Variants in NPSR1 observed in about 807,000 individuals in gnomAD.
NPSR1 encodes neuropeptide S receptor 1.
A neutral mutation model predicts 46.9 loss-of-function variants in NPSR1; 48 were observed. The observed-to-expected ratio is 1.02, with a 90% CI of 0.81 to 1.30. The LOEUF (loss-of-function observed/expected upper bound fraction) is 1.30, where lower values mean the gene tolerates loss of function less well. NPSR1 is among the 50% of genes most tolerant of loss of function. The pLI is 0.00. For missense variants in NPSR1, 450 were observed against 449.5 expected (o/e 1.00, Z -0.01); for synonymous variants, 176 against 168.1 (o/e 1.05, Z -0.36).
intron 3 of NPSR1, among the ~76,000 whole-genome samples, chr7:34,785,221 G>C (rs1329002554): frequency 1.3e-5 from 2 of 151,978 alleles, no homozygotes; most frequent in Non-Finnish European, 2.9e-5. Context: ...ATGAGTTCAT[G>C]TCCTTTGTAG....
At chr7:34,805,141 A>G (rs774724755) in intron 3 of NPSR1, among the ~76,000 whole-genome samples, 4 of 151,984 alleles carry the variant, frequency 2.6e-5, no homozygotes, top group Non-Finnish European at 4.4e-5. Flanking sequence ...TACAATTCCA[A>G]TCAAAGTCCC....
chr7:34,757,628 G>A (rs1785933958), intron 2 of NPSR1, among the ~76,000 whole-genome samples: 1 of 152,146 alleles, frequency 6.6e-6, no homozygotes, highest in Non-Finnish European at 1.5e-5. Flanking sequence ...AGCCCAGCCT[G>A]TTCTTACACT....
intron 2 of NPSR1, chr7:34,710,691 C>T: frequency 3.7e-6 from 1 of 270,706 alleles, no homozygotes; most frequent in Non-Finnish European, 7.2e-6. Flanking sequence ...GCACAAGAGA[C>T]CTTTATAGCA....
intron 2 of NPSR1, among the ~76,000 whole-genome samples, chr7:34,742,769 A>G (rs1358384515): frequency 6.6e-6 from 1 of 152,230 alleles, no homozygotes; most frequent in African/African-American, 2.4e-5. Context: ...TTACACTCCC[A>G]CCAACAGTGT....
intron 2 of NPSR1, chr7:34,723,390 G>T (rs1783966120): frequency 6.6e-6 from 1 of 152,624 alleles, no homozygotes; most frequent in South Asian, 2.1e-4. Flanking sequence ...TAACAGATTG[G>T]AGCTCCTGTC....
chr7:34,828,968 G>A (rs1014393357), intron 5 of NPSR1, among the ~76,000 whole-genome samples: 2 of 152,100 alleles, frequency 1.3e-5, no homozygotes, highest in Non-Finnish European at 2.9e-5. Flanking sequence ...CTAAATCTTT[G>A]CCAACCTAAG....
At chr7:34,740,506 C>T (rs888860598) in intron 2 of NPSR1, among the ~76,000 whole-genome samples, 3 of 152,096 alleles carry the variant, frequency 2.0e-5, no homozygotes, top group Non-Finnish European at 2.9e-5. Flanking sequence ...TCTGGCAGCA[C>T]TCCCCAAGGA....
intron 2 of NPSR1, among the ~76,000 whole-genome samples, chr7:34,755,799 ATAG>A (rs201998544): frequency 6.6e-6 from 1 of 151,550 alleles, no homozygotes; most frequent in Admixed American, 6.6e-5. Context: ...AAAAAAAATA[ATAG>A]TAATAGCTAG....
chr7:34,804,350 C>A (rs1006516141), intron 3 of NPSR1, among the ~76,000 whole-genome samples: 8 of 152,038 alleles, frequency 5.3e-5, no homozygotes, highest in Non-Finnish European at 8.8e-5. Flanking sequence ...TTATTCCAGG[C>A]ATGAAAATCT....
chr7:34,680,999 TAAGTA>T (rs1162741645), intron 1 of NPSR1, among the ~76,000 whole-genome samples: 1 of 152,058 alleles, frequency 6.6e-6, no homozygotes. Flanking sequence ...CTATGATTAC[TAAGTA>T]ATGTGTATGT....
At chr7:34,811,649 C>A in intron 3 of NPSR1, 121 bp from the exon 4 acceptor site, 1 of 636,952 alleles carries the variant, frequency 1.6e-6, no homozygotes, top group Non-Finnish European at 2.8e-6. Context: ...CCTAATCCAA[C>A]ACTCACCCCT....
chr7:34,801,604 C>T (rs1477355124), intron 3 of NPSR1, among the ~76,000 whole-genome samples: 1 of 142,946 alleles, frequency 7.0e-6, no homozygotes, highest in Non-Finnish European at 1.5e-5. Flanking sequence ...AAACCCACAG[C>T]CAATATCATA....
intron 2 of NPSR1, among the ~76,000 whole-genome samples, chr7:34,755,399 T>C (rs967664346): frequency 4.5e-4 from 69 of 152,218 alleles, no homozygotes; most frequent in African/African-American, 1.6e-3. Context: ...TTTACATAAA[T>C]AGAACCTTAC....
At chr7:34,792,665 T>TATATATATGTATATATATATATG (rs1562733079) in intron 3 of NPSR1, among the ~76,000 whole-genome samples, 6 of 78,766 alleles carry the variant, frequency 7.6e-5, no homozygotes, top group African/African-American at 2.5e-4. Context: ...ATATATATAT[T>TATATATATGTATATATATATATG]TATATATATG....
chr7:34,775,915 G>A (rs765162808), intron 2 of NPSR1, among the ~76,000 whole-genome samples: 1 of 151,940 alleles, frequency 6.6e-6, no homozygotes, highest in Non-Finnish European at 1.5e-5. Flanking sequence ...CATAGATTTT[G>A]GTATGTTGTG....
intron 2 of NPSR1, among the ~76,000 whole-genome samples, chr7:34,693,022 C>T (rs1176928287): frequency 6.6e-6 from 1 of 152,188 alleles, no homozygotes; most frequent in East Asian, 1.9e-4. Flanking sequence ...GGGCACCAGC[C>T]TACTGCCCTC....
At chr7:34,676,985 G>A (rs770849483) in intron 1 of NPSR1, among the ~76,000 whole-genome samples, 2 of 152,098 alleles carry the variant, frequency 1.3e-5, no homozygotes, top group African/African-American at 2.4e-5. Context: ...AGAGCTCCTC[G>A]GACTTACCAT....
At chr7:34,718,075 C>T (rs773128312) in intron 2 of NPSR1, among the ~76,000 whole-genome samples, 2 of 152,020 alleles carry the variant, frequency 1.3e-5, no homozygotes, top group South Asian at 2.1e-4. Flanking sequence ...ATATTGAGAA[C>T]CCAAAAGAAT....
intron 8 of NPSR1, among the ~76,000 whole-genome samples, chr7:34,860,697 T>A (rs371381519): frequency 6.6e-6 from 1 of 151,896 alleles, no homozygotes; most frequent in South Asian, 2.1e-4. Flanking sequence ...ATCTGTTGCA[T>A]TATAACATGC....
Sources: allele counts gnomAD v4.1 joint callset (sites outside exome capture counted in the v4.1 genomes callset), GRCh38; gene constraint gnomAD v4.1.1; transcripts MANE v1.5; gene names NCBI Gene and HGNC (gene_info 2026-07-23, HGNC 2026-07-21).